Variants in SLIT1 observed in about 807,000 individuals in gnomAD.
The protein encoded by SLIT1 is slit homolog 1 protein.
In SLIT1, 66 loss-of-function variants were observed where a neutral mutation model predicts 186.1. The ratio of observed to expected loss-of-function variants is 0.35; its 90% CI spans 0.29 to 0.44. The LOEUF is 0.44. Among genes scored for constraint, SLIT1 ranks in the 20% least tolerant of loss-of-function variants. The pLI is 1.00. For missense variants in SLIT1, 1,638 were observed against 2,037.4 expected (o/e 0.80, Z 3.77); for synonymous variants, 761 against 833.8 (o/e 0.91, Z 1.50).
chr10:97,024,195 C>T (rs1848525569), intron 25 of SLIT1, among the ~76,000 whole-genome samples: 1 of 152,130 alleles, frequency 6.6e-6, no homozygotes, highest in Non-Finnish European at 1.5e-5. Flanking sequence ...AAGCAGTTAC[C>T]CTTGAGACCT....
intron 1 of SLIT1, among the ~76,000 whole-genome samples, chr10:97,166,557 A>AGGAAAGAGAGAG (rs1283710320): frequency 4.7e-4 from 26 of 55,204 alleles, no homozygotes; most frequent in East Asian, 1.4e-3. Context: ...GAAGGAAGGA[A>AGGAAAGAGAGAG]AGAGAGAGAG....
chr10:97,143,195 G>A (rs1182838195), intron 4 of SLIT1, among the ~76,000 whole-genome samples: 1 of 152,210 alleles, frequency 6.6e-6, no homozygotes, highest in Admixed American at 6.5e-5. Flanking sequence ...GTTCATAGCA[G>A]CACTATTCAC....
intron 23 of SLIT1, among the ~76,000 whole-genome samples, chr10:97,032,147 A>C (rs994771022): frequency 6.6e-6 from 1 of 152,238 alleles, no homozygotes; most frequent in African/African-American, 2.4e-5. Flanking sequence ...GGACAGGCAA[A>C]GTCATCTACA....
At chr10:97,120,518 G>A (rs1431949832) in intron 4 of SLIT1, among the ~76,000 whole-genome samples, 1 of 152,186 alleles carries the variant, frequency 6.6e-6, no homozygotes, top group Non-Finnish European at 1.5e-5. Flanking sequence ...TACTGGAGCC[G>A]AAACGCAGTT....
intron 4 of SLIT1, among the ~76,000 whole-genome samples, chr10:97,141,701 C>T (rs572728656): frequency 0.01 from 995 of 96,404 alleles, 2 homozygotes; most frequent in Non-Finnish European, 0.015. Context: ...CGTATCGTAT[C>T]GTATTGTATT....
intron 4 of SLIT1, among the ~76,000 whole-genome samples, chr10:97,150,327 A>G (rs531229523): frequency 2.6e-5 from 4 of 152,350 alleles, no homozygotes; most frequent in South Asian, 4.1e-4. Flanking sequence ...TCATTTCAGC[A>G]GAGAATGCCC....
intron 1 of SLIT1, among the ~76,000 whole-genome samples, chr10:97,182,526 G>A (rs1052714278): frequency 2.6e-5 from 4 of 152,168 alleles, no homozygotes; most frequent in Admixed American, 6.5e-5. Context: ...GCTCTTTCAC[G>A]GGCTGCCTGG....
At chr10:97,164,462 G>A (rs1010747365) in intron 2 of SLIT1, among the ~76,000 whole-genome samples, 2 of 152,174 alleles carry the variant, frequency 1.3e-5, no homozygotes, top group Non-Finnish European at 2.9e-5. Flanking sequence ...AGAGGTTGGG[G>A]GTTTCTGGAG....
intron 4 of SLIT1, among the ~76,000 whole-genome samples, chr10:97,114,338 C>T (rs923445825): frequency 1.3e-5 from 2 of 152,178 alleles, no homozygotes; most frequent in Admixed American, 6.5e-5. Flanking sequence ...AATTATTGCA[C>T]ATTCTGAAGT....
chr10:97,139,869 C>T (rs2134702035), intron 4 of SLIT1, among the ~76,000 whole-genome samples: 1 of 152,304 alleles, frequency 6.6e-6, no homozygotes, highest in African/African-American at 2.4e-5. Flanking sequence ...TCGGCAAAGC[C>T]TCTCACAAGG....
At chr10:97,046,213 G>C (rs898194830) in intron 18 of SLIT1, among the ~76,000 whole-genome samples, 1 of 152,166 alleles carries the variant, frequency 6.6e-6, no homozygotes, top group African/African-American at 2.4e-5. Context: ...GTCAGCTCAG[G>C]CTGGGCTGTG....
At chr10:97,165,859 C>G (rs1850098391) in intron 1 of SLIT1, among the ~76,000 whole-genome samples, 1 of 152,102 alleles carries the variant, frequency 6.6e-6, no homozygotes, top group African/African-American at 2.4e-5. Context: ...CCAAGGCCAC[C>G]TTGGACCCAC....
chr10:97,040,246 A>C (rs909047006), intron 20 of SLIT1, 126 bp from the exon 21 acceptor site: 3 of 1,027,638 alleles, frequency 2.9e-6, no homozygotes, highest in Non-Finnish European at 4.1e-6. Context: ...CTTGGCCATC[A>C]GTAAGTCTGT....
intron 4 of SLIT1, among the ~76,000 whole-genome samples, chr10:97,152,295 C>A (rs975525395): frequency 6.6e-6 from 1 of 152,074 alleles, no homozygotes; most frequent in Non-Finnish European, 1.5e-5. Flanking sequence ...AAGGTCCCTG[C>A]AAATTGAGGG....
At chr10:97,054,988 C>T (rs962253509) in intron 13 of SLIT1, among the ~76,000 whole-genome samples, 5 of 152,204 alleles carry the variant, frequency 3.3e-5, no homozygotes, top group Admixed American at 2.0e-4. Flanking sequence ...GAGGCCGAGG[C>T]AGGTGGATCA....
intron 30 of SLIT1, among the ~76,000 whole-genome samples, chr10:97,012,572 C>G (rs1848421363): frequency 6.6e-6 from 1 of 152,220 alleles, no homozygotes; most frequent in South Asian, 2.1e-4. Context: ...AACGTGCAGT[C>G]CTGCCTTATT....
intron 1 of SLIT1, among the ~76,000 whole-genome samples, chr10:97,168,309 A>G (rs1850145785): frequency 6.6e-6 from 1 of 152,236 alleles, no homozygotes; most frequent in Admixed American, 6.5e-5. Context: ...TCAATTTCCC[A>G]AAAAATAAAG....
chr10:97,056,668 C>T (rs1324015739), intron 12 of SLIT1, among the ~76,000 whole-genome samples: 1 of 152,250 alleles, frequency 6.6e-6, no homozygotes, highest in Non-Finnish European at 1.5e-5. Flanking sequence ...ATAGGGACAT[C>T]TTGGTCAACC....
rs765402222 is a variant in SLIT1, at chr10:97,090,095, G to A, written c.414-24009C>T. Among the ~76,000 whole-genome samples, 8 of 152,260 alleles carry A rather than the reference G, an allele frequency of 5.3e-5. No individual in the cohort carries two copies. The South Asian group carries it at 6.2e-4, about 12-fold the overall frequency. On this transcript the variant is annotated intron_variant, in intron 4 of 36. Coordinates refer to ENST00000266058, the MANE Select transcript of SLIT1 (RefSeq NM_003061.3). ...CCAGGCCCTCTCCATTCTCAGGGCCGGACCACGGGCTTAGGCAGAGCAGCA... is the reference window on the plus strand; with the variant it reads ...CCAGGCCCTCTCCATTCTCAGGGCCAGACCACGGGCTTAGGCAGAGCAGCA...
Sources: allele counts gnomAD v4.1 joint callset (sites outside exome capture counted in the v4.1 genomes callset), GRCh38; gene constraint gnomAD v4.1.1; transcripts MANE v1.5; gene names NCBI Gene and HGNC (gene_info 2026-07-23, HGNC 2026-07-21).